The following GPC5 variants were observed in gnomAD, a reference collection of about 807,000 sequenced individuals.
GPC5 encodes glypican 5, also known as glypican-5.
In GPC5, 47 loss-of-function variants were observed where a neutral mutation model predicts 53.9. That is an observed-to-expected ratio of 0.87 (90% CI 0.69 to 1.11). GPC5 has a LOEUF of 1.11. Among genes scored for constraint, GPC5 ranks in the 50% most tolerant of loss-of-function variants. The pLI, the probability that GPC5 is intolerant of heterozygous loss-of-function variation, is 0.00. For synonymous variants in GPC5, 286 were observed against 263.3 expected (o/e 1.09, Z -0.84); for missense variants, 748 against 713.1 (o/e 1.05, Z -0.56).
At chr13:91,650,750 G>GTTTTGTTTTGTTTTTTTTTTTTTTTTT (rs1555333961) in intron 2 of GPC5, among the ~76,000 whole-genome samples, 12 of 99,602 alleles carry the variant, frequency 1.2e-4, no homozygotes, top group African/African-American at 4.9e-4. Context: ...ATTCCCATAA[G>GTTTTGTTTTGTTTTTTTTTTTTTTTTT]TTTTTTTTTT....
intron 5 of GPC5, among the ~76,000 whole-genome samples, chr13:91,824,522 T>C (rs1003093333): frequency 1.8e-4 from 28 of 152,118 alleles, no homozygotes; most frequent in Admixed American, 1.4e-3. Flanking sequence ...AGATAATTAA[T>C]GGTTTATGAT....
At chr13:91,973,072 G>A (rs2040259759) in intron 6 of GPC5, among the ~76,000 whole-genome samples, 1 of 152,100 alleles carries the variant, frequency 6.6e-6, no homozygotes, top group Non-Finnish European at 1.5e-5. Flanking sequence ...TTTCCAACTT[G>A]GTTCCATTCT....
At chr13:91,528,512 A>T (rs142173160) in intron 2 of GPC5, among the ~76,000 whole-genome samples, 1 of 152,318 alleles carries the variant, frequency 6.6e-6, no homozygotes, top group East Asian at 1.9e-4. Context: ...AAACGATTCA[A>T]CAAGTCTTTA....
intron 7 of GPC5, among the ~76,000 whole-genome samples, chr13:92,236,835 T>C (rs2042573802): frequency 7.5e-6 from 1 of 133,570 alleles, no homozygotes; most frequent in South Asian, 2.7e-4. Context: ...GGGTTCTATA[T>C]ATTTATCAGC....
intron 3 of GPC5, 59 bp from the exon 4 acceptor site, chr13:91,728,473 C>A (rs1294951015): frequency 6.5e-7 from 1 of 1,532,978 alleles, no homozygotes; most frequent in East Asian, 2.3e-5. Context: ...TGAAACATCA[C>A]ATTCTCAGAA....
intron 6 of GPC5, among the ~76,000 whole-genome samples, chr13:92,133,607 T>A (rs1454132562): frequency 2.0e-5 from 3 of 152,180 alleles, no homozygotes; most frequent in Non-Finnish European, 4.4e-5. Context: ...GTATCATGAT[T>A]AAAGTCTTCC....
chr13:92,763,382 GTTA>G (rs1875269032), intron 7 of GPC5, among the ~76,000 whole-genome samples: 1 of 152,158 alleles, frequency 6.6e-6, no homozygotes, highest in African/African-American at 2.4e-5. Flanking sequence ...GTCAATGTTT[GTTA>G]GCATGACTAT....
intron 7 of GPC5, among the ~76,000 whole-genome samples, chr13:92,787,665 T>TAAAA (rs1278699800): frequency 3.6e-5 from 1 of 27,420 alleles, no homozygotes; most frequent in African/African-American, 2.3e-4. Context: ...ACCTCATAGC[T>TAAAA]ACAAAAAAAA....
At chr13:91,946,803 G>A (rs1196427506) in intron 6 of GPC5, among the ~76,000 whole-genome samples, 4 of 152,164 alleles carry the variant, frequency 2.6e-5, no homozygotes, top group African/African-American at 4.8e-5. Context: ...AATACCTTGA[G>A]TCTGTTTCAT....
chr13:92,484,020 C>T (rs1879458332), intron 7 of GPC5, among the ~76,000 whole-genome samples: 2 of 152,126 alleles, frequency 1.3e-5, no homozygotes, highest in Non-Finnish European at 2.9e-5. Flanking sequence ...CACAGGTGGT[C>T]ATAACTACTC....
intron 2 of GPC5, among the ~76,000 whole-genome samples, chr13:91,588,531 G>T (rs1039008219): frequency 6.6e-6 from 1 of 152,040 alleles, no homozygotes; most frequent in African/African-American, 2.4e-5. Flanking sequence ...CTCTACAGGT[G>T]ATGTATTCTC....
chr13:91,796,349 G>T (rs2038046640), intron 5 of GPC5, among the ~76,000 whole-genome samples: 1 of 152,190 alleles, frequency 6.6e-6, no homozygotes, highest in Non-Finnish European at 1.5e-5. Flanking sequence ...AAGTCAAAAT[G>T]GCGGGTCTGC....
chr13:91,874,559 T>C (rs2039182058), intron 5 of GPC5, among the ~76,000 whole-genome samples: 1 of 152,186 alleles, frequency 6.6e-6, no homozygotes, highest in South Asian at 2.1e-4. Context: ...TACCCTTCTG[T>C]TGAATTTCTT....
chr13:92,469,658 A>C (rs1878834397), intron 7 of GPC5, among the ~76,000 whole-genome samples: 1 of 152,110 alleles, frequency 6.6e-6, no homozygotes, highest in African/African-American at 2.4e-5. Flanking sequence ...ATAGTGCAGA[A>C]TAGACAGAAA....
intron 6 of GPC5, among the ~76,000 whole-genome samples, chr13:92,109,190 C>T (rs2041536296): frequency 6.6e-6 from 1 of 151,378 alleles, no homozygotes; most frequent in African/African-American, 2.4e-5. Context: ...TCTCAGCCTC[C>T]TAAGTAGCTG....
intron 7 of GPC5, among the ~76,000 whole-genome samples, chr13:92,865,746 C>T (rs931474303): frequency 6.6e-6 from 1 of 152,104 alleles, no homozygotes; most frequent in African/African-American, 2.4e-5. Flanking sequence ...CAAAATATCA[C>T]ATTGTACCCC....
At chr13:92,784,870 C>T (rs563086410) in intron 7 of GPC5, among the ~76,000 whole-genome samples, 2 of 152,282 alleles carry the variant, frequency 1.3e-5, no homozygotes, top group East Asian at 1.9e-4. Context: ...ATTATCTAAA[C>T]ATTAAATATG....
chr13:92,018,022 G>A (rs2040723201), intron 6 of GPC5, among the ~76,000 whole-genome samples: 1 of 151,786 alleles, frequency 6.6e-6, no homozygotes, highest in Non-Finnish European at 1.5e-5. Context: ...ACATGCACGA[G>A]TACACACACA....
intron 7 of GPC5, among the ~76,000 whole-genome samples, chr13:92,285,306 C>T (rs75502856): frequency 0.085 from 12,999 of 152,130 alleles, 616 homozygotes; most frequent in Middle Eastern, 0.12. Flanking sequence ...ATGAAAATGG[C>T]CATACTGCCC....
Sources: gnomAD v4.1 joint callset for allele counts (sites outside exome capture counted in the v4.1 genomes callset) on GRCh38, gnomAD v4.1.1 for gene constraint, MANE v1.5 for transcripts, NCBI Gene and HGNC (gene_info 2026-07-23, HGNC 2026-07-21) for gene names.